Variants in RAB17 observed in about 807,000 individuals in gnomAD.
RAB17 encodes RAB17, member RAS oncogene family, also known as ras-related protein Rab-17.
Under a neutral mutation model 19.3 loss-of-function variants are expected in RAB17, and 15 were observed. The ratio of observed to expected loss-of-function variants is 0.78; its 90% CI spans 0.52 to 1.20. The LOEUF (loss-of-function observed/expected upper bound fraction) is 1.20, where lower values mean the gene tolerates loss of function less well. RAB17 is among the 50% of genes most tolerant of loss of function. The probability of loss-of-function intolerance (pLI) is 0.00; values close to 1 mark genes in which losing one functional copy is unlikely to be tolerated. For missense variants in RAB17, 262 were observed against 269.3 expected, an observed-to-expected ratio of 0.97 and a Z score of 0.19; for synonymous variants, 110 against 112.8, an observed-to-expected ratio of 0.97 and a Z score of 0.16.
chr2:237,574,688 G>C lies in RAB17; in HGVS notation c.*331C>G, dbSNP rs8184. ...GGCATCTTCCCACCGTCGCTGTGCT[G>C]CGGGGACTTTTCCAATCCTTCCTTC... On this transcript the variant is annotated 3_prime_UTR_variant, in exon 6 of 6. Coordinates refer to ENST00000264601, the MANE Select transcript of RAB17 (RefSeq NM_022449.4). 432,408 of 1,436,356 alleles carry C rather than the reference G, an allele frequency of 0.3. 74,943 individuals are homozygous for C. Among genetic ancestry groups the C allele is most frequent in the African/African-American group, 0.78 (54,328 of 69,620 alleles). 89.0% of individuals were successfully genotyped at this position (1,436,356 alleles called of 1,614,324 possible).
chr2:237,576,159 G>A (rs1301082763), intron 4 of RAB17, among the ~76,000 whole-genome samples: 2 of 151,996 alleles, frequency 1.3e-5, no homozygotes, highest in African/African-American at 4.8e-5. Context: ...GGAGCTGGCA[G>A]CAGGTGTGGC....
intron 1 of RAB17, among the ~76,000 whole-genome samples, chr2:237,587,960 C>T (rs917257906): frequency 7.2e-5 from 11 of 152,082 alleles, no homozygotes; most frequent in Non-Finnish European, 1.6e-4. Context: ...GGAACAGTGT[C>T]TAGCACATAG....
At chr2:237,587,170 C>T (rs1042997622) in intron 1 of RAB17, among the ~76,000 whole-genome samples, 2 of 152,212 alleles carry the variant, frequency 1.3e-5, no homozygotes, top group African/African-American at 4.8e-5. Context: ...CAAATAATGT[C>T]CAGTTGTCTT....
chr2:237,582,309 C>T (rs1233261635), intron 2 of RAB17, among the ~76,000 whole-genome samples: 5 of 152,238 alleles, frequency 3.3e-5, no homozygotes, highest in Non-Finnish European at 5.9e-5. Flanking sequence ...TGAACCAGAC[C>T]CTCGGGAGGG....
intron 2 of RAB17, chr2:237,578,684 C>T (rs1443000366): frequency 6.5e-6 from 1 of 154,076 alleles, no homozygotes; most frequent in Non-Finnish European, 1.4e-5. Context: ...TCTCTACTGT[C>T]CCCTCTGCAT....
chr2:237,576,509 C>A, intron 4 of RAB17: 1 of 457,448 alleles, frequency 2.2e-6, no homozygotes, highest in Non-Finnish European at 4.6e-6. Flanking sequence ...CCGAGATTCT[C>A]CAAAATCTTC....
intron 2 of RAB17, among the ~76,000 whole-genome samples, chr2:237,579,862 G>A (rs565771899): frequency 5.3e-5 from 8 of 152,256 alleles, no homozygotes; most frequent in Non-Finnish European, 1.0e-4. Context: ...TCTTCTGCCC[G>A]CATGTCCTGC....
At chr2:237,589,366 C>T (rs1329907739) in intron 1 of RAB17, among the ~76,000 whole-genome samples, 1 of 152,156 alleles carries the variant, frequency 6.6e-6, no homozygotes, top group Non-Finnish European at 1.5e-5. Context: ...CAAACCAAAA[C>T]CCATAGTTTT....
At chr2:237,583,692 C>T (rs2081325618) in intron 2 of RAB17, among the ~76,000 whole-genome samples, 1 of 152,230 alleles carries the variant, frequency 6.6e-6, no homozygotes, top group Non-Finnish European at 1.5e-5. Flanking sequence ...CCGGCCCCAT[C>T]ACAGAGACCC....
In RAB17 at chr2:237,574,533, G is replaced by A. The variant is rs1260719112; in HGVS notation, c.*486C>T. The A allele has an allele frequency of 1.3e-6, 2 of 1,550,296 alleles. No individual in the cohort carries two copies. Among genetic ancestry groups the A allele is most frequent in the Non-Finnish European group, 1.7e-6 (2 of 1,146,882 alleles). On this transcript the variant is annotated 3_prime_UTR_variant, in exon 6 of 6. Transcript: ENST00000264601. ...CTTCACCAAGATGTGGAAATCCTGG[G>A]CCCACCCCACAGTCAGTCATCGCTC...
chr2:237,576,938 G>A (rs544968495), intron 4 of RAB17, among the ~76,000 whole-genome samples: 1 of 152,312 alleles, frequency 6.6e-6, no homozygotes, highest in South Asian at 2.1e-4. Flanking sequence ...CACTGGGCTT[G>A]AACTGCCATT....
At chr2:237,577,644 G>T (rs1022125654) in intron 3 of RAB17, 5 of 487,900 alleles carry the variant, frequency 1.0e-5, no homozygotes, top group African/African-American at 7.7e-5. Context: ...TGCCAGCCAC[G>T]GGGTATTTCA....
In RAB17 at chr2:237,574,531, G is replaced by A. The variant is rs1341015181; in HGVS notation, c.*488C>T. ...AACTTCACCAAGATGTGGAAATCCT[G>A]GGCCCACCCCACAGTCAGTCATCGC... On this transcript the variant is annotated 3_prime_UTR_variant, in exon 6 of 6. Coordinates refer to ENST00000264601, the MANE Select transcript of RAB17 (RefSeq NM_022449.4). 1.9e-6 allele frequency: 3 copies of A among 1,550,216 alleles called. No individual in the cohort carries two copies. The highest frequency in any genetic ancestry group is 2.6e-6 in the Non-Finnish European group (3 of 1,146,894).
chr2:237,583,804 G>A (rs1184401008), intron 2 of RAB17, among the ~76,000 whole-genome samples: 1 of 152,176 alleles, frequency 6.6e-6, no homozygotes, highest in Non-Finnish European at 1.5e-5. Flanking sequence ...ACCCAGGCCT[G>A]GAAGAGAGGG....
intron 4 of RAB17, among the ~76,000 whole-genome samples, chr2:237,576,181 C>T (rs2081261375): frequency 6.6e-6 from 1 of 152,030 alleles, no homozygotes; most frequent in African/African-American, 2.4e-5. Flanking sequence ...GGCCATGCCC[C>T]CAGCTCTCGC....
intron 2 of RAB17, among the ~76,000 whole-genome samples, chr2:237,582,772 C>T (rs535385877): frequency 6.6e-6 from 1 of 152,360 alleles, no homozygotes; most frequent in Non-Finnish European, 1.5e-5. Flanking sequence ...GTGAGCACAT[C>T]CCATCTCCTC....
Position 237,578,136 on chromosome 2 carries a change from C to A in RAB17, c.177G>T (p.Val59=). ...TCAGAGAGGTGGCACCCACATCCAC[C>A]ACCTTTGTGAAGAACGCACCTGAAA... The part of the protein sequence containing the change: ...PTVGCAFFTK[V]VDVGATSLKL... Residue 59 remains valine (V), a synonymous_variant, in exon 3 of 6, where the codon GTG becomes GTT. Coordinates refer to ENST00000264601, the MANE Select transcript of RAB17 (RefSeq NM_022449.4). 1.2e-6 allele frequency: 2 copies of A among 1,612,830 alleles called. No individual in the cohort carries two copies. The highest frequency in any genetic ancestry group is 2.2e-5 in the South Asian group (2 of 91,026).
chr2:237,581,367 C>T (rs2081307287), intron 2 of RAB17, among the ~76,000 whole-genome samples: 2 of 144,442 alleles, frequency 1.4e-5, no homozygotes, highest in South Asian at 4.5e-4. Context: ...GAATGAGACG[C>T]CATCTTAAAA....
intron 2 of RAB17, among the ~76,000 whole-genome samples, chr2:237,584,010 A>T (rs972628112): frequency 1.1e-4 from 17 of 149,210 alleles, no homozygotes; most frequent in Non-Finnish European, 3.0e-5. Flanking sequence ...CCCCCTGAAG[A>T]GAGGGCAGGC....
Sources: allele counts gnomAD v4.1 joint callset (sites outside exome capture counted in the v4.1 genomes callset), GRCh38; gene constraint gnomAD v4.1.1; transcripts MANE v1.5; gene names NCBI Gene and HGNC (gene_info 2026-07-23, HGNC 2026-07-21).